Variants in LRRC7 observed in about 807,000 individuals in gnomAD.
LRRC7 encodes the protein leucine-rich repeat-containing protein 7.
Under a neutral mutation model 175.7 loss-of-function variants are expected in LRRC7, and 23 were observed. That is an observed-to-expected ratio of 0.13 (90% confidence interval 0.09 to 0.19). LRRC7 has a LOEUF of 0.19. Among genes scored for constraint, LRRC7 ranks in the 10% least tolerant of loss-of-function variants. The probability of loss-of-function intolerance (pLI) is 1.00; values close to 1 mark genes in which losing one functional copy is unlikely to be tolerated. For missense variants in LRRC7, 1,354 were observed against 1,904.7 expected, an observed-to-expected ratio of 0.71 and a Z score of 5.38; for synonymous variants, 685 against 680.9, an observed-to-expected ratio of 1.01 and a Z score of -0.09.
intron 2 of LRRC7, among the ~76,000 whole-genome samples, chr1:69,751,018 G>A (rs1336897833): frequency 6.6e-6 from 1 of 152,128 alleles, no homozygotes; most frequent in African/African-American, 2.4e-5. Context: ...CCAGGAGCAT[G>A]GTCTGGGAAA....
rs535964581 is a variant in LRRC7, at chr1:69,836,343, A to G, written c.590+1474A>G. 8.1e-4 allele frequency among the ~76,000 whole-genome samples: 124 copies of G among 152,154 alleles called. 1 individual carries two copies. The highest frequency in any genetic ancestry group is 3.1e-3 in the South Asian group (15 of 4,822). The stretch of plus-strand genomic sequence containing the variant: ...TGGCTTCTGAATGAATTGGCATTTC[A>G]TCATTCATCCACAGAAACTAGCCTT... On this transcript the variant is annotated intron_variant, in intron 6 of 26. Coordinates refer to ENST00000651989, the MANE Select transcript of LRRC7 (RefSeq NM_001370785.2).
chr1:69,910,188 T>C (rs1029403874), intron 7 of LRRC7, among the ~76,000 whole-genome samples: 4 of 152,144 alleles, frequency 2.6e-5, no homozygotes, highest in African/African-American at 4.8e-5. Context: ...TCTCAGCTCG[T>C]CAAAGTCATT....
Position 69,744,001 on chromosome 1 carries a change from A to C in LRRC7, c.101-16190A>C, listed in dbSNP as rs1668996762. ...GCCCTTTAACTACTTACTATCCTCT[A>C]CCCAATTCTGTCTATTGTAATTTTT... On this transcript the variant is annotated intron_variant, in intron 2 of 26. Transcript: ENST00000651989. Among the ~76,000 whole-genome samples, 3 of 151,790 alleles carry C rather than the reference A, an allele frequency of 2.0e-5. No individual in the cohort carries two copies. The South Asian group carries it at 6.2e-4, about 31-fold the overall frequency.
intron 7 of LRRC7, among the ~76,000 whole-genome samples, chr1:69,924,941 A>G (rs1052720474): frequency 2.0e-5 from 3 of 152,168 alleles, no homozygotes; most frequent in African/African-American, 4.8e-5. Flanking sequence ...TGGGTTTGTC[A>G]TAGATAGCTC....
At chr1:70,078,131 A>G (rs1662919247) in intron 24 of LRRC7, among the ~76,000 whole-genome samples, 1 of 152,222 alleles carries the variant, frequency 6.6e-6, no homozygotes, top group Non-Finnish European at 1.5e-5. Flanking sequence ...GGTATCCTAA[A>G]TGCCTTGACT....
chr1:69,692,134 T>A (rs1176725217), intron 2 of LRRC7, among the ~76,000 whole-genome samples: 1 of 152,110 alleles, frequency 6.6e-6, no homozygotes, highest in Non-Finnish European at 1.5e-5. Context: ...CAGGGCTTCT[T>A]TTTTGGGGAA....
Position 69,678,368 on chromosome 1 carries a change from T to C in LRRC7, c.3-13T>C. On this transcript the variant is annotated splice_polypyrimidine_tract_variant and intron_variant, in intron 1 of 26. Transcript: ENST00000651989. ...AAAGAGTATGAAAATACTCTTCTGA[T>C]TCTCTCTTATAGGATGGAGAACCTA... The C allele has an allele frequency of 1.3e-6, 2 of 1,534,336 alleles. No homozygotes were observed. Among genetic ancestry groups the C allele is most frequent in the African/African-American group, 1.4e-5 (1 of 73,146 alleles).
intron 10 of LRRC7, among the ~76,000 whole-genome samples, chr1:69,989,864 A>T (rs776513193): frequency 2.9e-4 from 44 of 152,160 alleles, no homozygotes; most frequent in Non-Finnish European, 5.6e-4. Context: ...GACAAAGAAA[A>T]GTATTGTTTA....
chr1:70,032,840 T>C (rs769787466), intron 18 of LRRC7, among the ~76,000 whole-genome samples: 7 of 152,204 alleles, frequency 4.6e-5, no homozygotes, highest in Non-Finnish European at 1.0e-4. Context: ...GAAGGGCAAT[T>C]GTGAGAAAAA....
intron 8 of LRRC7, among the ~76,000 whole-genome samples, chr1:69,938,993 G>A (rs1398313744): frequency 1.7e-5 from 2 of 115,542 alleles, no homozygotes; most frequent in African/African-American, 7.1e-5. Context: ...TAAGGCTGTA[G>A]ATTATATATA....
intron 18 of LRRC7, among the ~76,000 whole-genome samples, chr1:70,033,693 T>C (rs531784565): frequency 1.3e-5 from 2 of 152,212 alleles, no homozygotes; most frequent in African/African-American, 4.8e-5. Context: ...AGAGTTCCGG[T>C]CATAATTTTG....
chr1:69,606,960 T>C (rs1026247972), intron 1 of LRRC7: 4 of 152,128 alleles, frequency 2.6e-5, no homozygotes, highest in African/African-American at 9.7e-5. Context: ...GCACCTACAC[T>C]TAGGTTGTCA....
chr1:69,862,874 G>A (rs367871865), intron 7 of LRRC7, among the ~76,000 whole-genome samples: 22 of 151,574 alleles, frequency 1.5e-4, no homozygotes, highest in African/African-American at 4.6e-4. Flanking sequence ...CCCTCCCTGT[G>A]TCCATGTGTT....
At chr1:69,977,563 A>G (rs1387354367) in intron 8 of LRRC7, among the ~76,000 whole-genome samples, 9 of 152,312 alleles carry the variant, frequency 5.9e-5, no homozygotes, top group African/African-American at 2.2e-4. Context: ...CAGTGACAAT[A>G]CTATTTACCA....
intron 25 of LRRC7, among the ~76,000 whole-genome samples, chr1:70,091,203 A>G (rs977682485): frequency 6.6e-6 from 1 of 152,174 alleles, no homozygotes; most frequent in African/African-American, 2.4e-5. Flanking sequence ...TGAGGATACC[A>G]TTGATTTATT....
chr1:69,665,923 A>G (rs1658200334), intron 1 of LRRC7, among the ~76,000 whole-genome samples: 1 of 151,984 alleles, frequency 6.6e-6, no homozygotes. Flanking sequence ...AAAGGCTTTC[A>G]GGTTTTCCCC....
At chr1:69,717,841 A>AGGAAG (rs754934916) in intron 2 of LRRC7, among the ~76,000 whole-genome samples, 1 of 19,330 alleles carries the variant, frequency 5.2e-5, no homozygotes, top group Non-Finnish European at 8.5e-5. Flanking sequence ...AAAGAAAGAA[A>AGGAAG]AAAGAAAGAA....
intron 25 of LRRC7, among the ~76,000 whole-genome samples, chr1:70,097,167 C>A (rs1664468132): frequency 6.6e-6 from 1 of 152,148 alleles, no homozygotes; most frequent in South Asian, 2.1e-4. Flanking sequence ...CTGCTCTACA[C>A]CACCTATGCA....
intron 8 of LRRC7, among the ~76,000 whole-genome samples, chr1:69,972,563 AT>A (rs1289933904): frequency 6.6e-6 from 1 of 152,210 alleles, no homozygotes; most frequent in Admixed American, 6.5e-5. Flanking sequence ...CAAAACCAGA[AT>A]GTGATACCAA....
Sources: allele counts gnomAD v4.1 joint callset (sites outside exome capture counted in the v4.1 genomes callset), GRCh38; gene constraint gnomAD v4.1.1; transcripts MANE v1.5; gene names NCBI Gene and HGNC (gene_info 2026-07-23, HGNC 2026-07-21).